The following MINK1 variants were observed in gnomAD, a reference collection of about 807,000 sequenced individuals.
MINK1 encodes misshapen like kinase 1, also known as misshapen-like kinase 1.
A neutral mutation model predicts 178.4 loss-of-function variants in MINK1; 46 were observed. That is an observed-to-expected ratio of 0.26 (90% CI 0.20 to 0.33). The LOEUF is 0.33. Ranked by LOEUF, MINK1 falls within the 10% of genes least tolerant of loss-of-function variation. The pLI is 1.00. For synonymous variants in MINK1, 797 were observed against 709.7 expected (o/e 1.12, Z -1.96); for missense variants, 1,366 against 1,814.9 (o/e 0.75, Z 4.49).
intron 1 of MINK1, among the ~76,000 whole-genome samples, chr17:4,837,112 TG>T (rs1265933027): frequency 6.6e-6 from 1 of 152,096 alleles, no homozygotes; most frequent in Non-Finnish European, 1.5e-5. Flanking sequence ...ACTTGAACCT[TG>T]GAGGTGGAGG....
intron 14 of MINK1, 96 bp from the exon 15 acceptor site, chr17:4,890,855 A>G (rs1968715568): frequency 6.6e-7 from 1 of 1,526,592 alleles, no homozygotes; most frequent in Non-Finnish European, 8.9e-7. Context: ...CACACAGCAC[A>G]GAGCATAGGG....
Position 4,895,288 on chromosome 17 carries a change from G to A in MINK1, c.3085+46G>A, listed in dbSNP as rs1252472042. ...CTGAGGAGGCTCTGGCGTGGCTCTT[G>A]TGCTCCTGGTTAGGTGAGGGCCTGG... On this transcript the variant is annotated intron_variant, in intron 25 of 31. Coordinates refer to ENST00000355280, the MANE Select transcript of MINK1 (RefSeq NM_153827.5). This position sits in a 1 kb window ranked among gnomAD's most constrained non-coding sequence, Gnocchi z 4.3. 3 of 1,610,648 alleles carry A rather than the reference G, an allele frequency of 1.9e-6. No homozygotes were observed. The highest frequency in any genetic ancestry group is 1.7e-4 in the Middle Eastern group (1 of 6,034).
intron 1 of MINK1, among the ~76,000 whole-genome samples, chr17:4,843,439 CT>C (rs1361998135): frequency 6.6e-6 from 1 of 150,960 alleles, no homozygotes; most frequent in Admixed American, 6.7e-5. Flanking sequence ...GATTGCGTCA[CT>C]GCACTCCAGC....
chr17:4,894,715 C>T lies in MINK1; in HGVS notation c.2917+82C>T. On this transcript the variant is annotated intron_variant, in intron 24 of 31. Coordinates refer to ENST00000355280, the MANE Select transcript of MINK1 (RefSeq NM_153827.5). This position sits in a 1 kb window ranked among gnomAD's most constrained non-coding sequence, Gnocchi z 4.1. ...GGAGCACAGTGGTCTTGAGACGCAG[C>T]CTCACAAAGCATAGCCACAGGACCT... 1 of 1,082,898 alleles carries T rather than the reference C, an allele frequency of 9.2e-7. No individual in the cohort carries two copies. The highest frequency in any genetic ancestry group is 1.4e-5 in the South Asian group (1 of 73,590). 67.1% of individuals were successfully genotyped at this position (1,082,898 alleles called of 1,614,324 possible). A position where few individuals can be genotyped will look rare whatever the true frequency, so the allele number is the denominator to read the frequency against.
chr17:4,886,767 A>C lies in MINK1; in HGVS notation c.949+141A>C. The C allele has an allele frequency of 1.0e-6, 1 of 981,266 alleles. No individual in the cohort carries two copies. Among genetic ancestry groups the C allele is most frequent in the African/African-American group, 1.6e-5 (1 of 60,834 alleles). 60.8% of individuals were successfully genotyped at this position (981,266 alleles called of 1,614,324 possible). ...CCCTGTCCAAGGAGATCGTTCTCAA[A>C]CTTGCAACCCCCAAGGGGTTTTCCC... On this transcript the variant is annotated intron_variant, in intron 10 of 31. Transcript: ENST00000355280. The surrounding 1 kb of genome is among the most constrained non-coding windows in gnomAD (Gnocchi z 6.1).
At chr17:4,880,954 A>C (rs142531662) in intron 2 of MINK1, 30 bp from the exon 3 acceptor site, 123,405 of 1,461,752 alleles carry the variant, frequency 0.084, 5,540 homozygotes, top group Non-Finnish European at 0.092. Flanking sequence ...CCACCCTCTG[A>C]GCATAGACTC....
rs779853619 is a variant in MINK1, at chr17:4,895,711, A to G, written c.3243A>G (p.Lys1081=). The change falls in exon 27 of 32, where the codon AAA becomes AAG. Residue 1081 remains lysine, a synonymous_variant. Transcript: ENST00000355280. This position sits in a 1 kb window ranked among gnomAD's most constrained non-coding sequence, Gnocchi z 4.3. ...LLITISGKRN[K]LRVYYLSWLR... The stretch of plus-strand genomic sequence containing the variant: ...TCCGTCCCTCAGGGAAAAGGAACAA[A>G]CTGCGGGTGTATTACCTGTCCTGGC... 1 of 1,613,460 alleles carries G rather than the reference A, an allele frequency of 6.2e-7. No homozygotes were observed. The highest frequency in any genetic ancestry group is 8.5e-7 in the Non-Finnish European group (1 of 1,179,702).
Position 4,896,091 on chromosome 17 carries a change from C to T in MINK1, c.3453C>T (p.Phe1151=). Residue 1151 remains phenylalanine, a synonymous_variant, in exon 28 of 32, where the codon TTC becomes TTT. Transcript: ENST00000355280. The surrounding 1 kb of genome is among the most constrained non-coding windows in gnomAD (Gnocchi z 4.6). ...YAWAPKPYHK[F]MAFKSFADLP... is the part of the protein sequence containing the mutation. ...GGGCCCCCAAACCCTACCACAAATT[C>T]ATGGCCTTCAAGGTAATCCCAGCCT... The T allele has an allele frequency of 6.2e-7, 1 of 1,607,500 alleles. No homozygotes were observed. The highest frequency in any genetic ancestry group is 8.5e-7 in the Non-Finnish European group (1 of 1,177,046).
At chr17:4,848,448 C>T (rs1425719717) in intron 1 of MINK1, among the ~76,000 whole-genome samples, 3 of 152,214 alleles carry the variant, frequency 2.0e-5, no homozygotes, top group African/African-American at 4.8e-5. Flanking sequence ...GCAAACTCCG[C>T]CTGCCAGGTT....
chr17:4,896,968 C>A lies in MINK1; in HGVS notation c.3915+155C>A, dbSNP rs770023879. Reference sequence around the variant, plus strand: ...GCAGTCAGCCACTACCACTGCCCTGCGCTCCCTTCAGATTCCGAGGACTTC... The same window carrying A: ...GCAGTCAGCCACTACCACTGCCCTGAGCTCCCTTCAGATTCCGAGGACTTC... On this transcript the variant is annotated intron_variant, in intron 31 of 31. Transcript: ENST00000355280. The surrounding 1 kb of genome is among the most constrained non-coding windows in gnomAD (Gnocchi z 4.6). The A allele has an allele frequency of 9.0e-7, 1 of 1,107,794 alleles. No individual in the cohort carries two copies. Among genetic ancestry groups the A allele is most frequent in the Non-Finnish European group, 1.3e-6 (1 of 790,874 alleles). 68.6% of individuals were successfully genotyped at this position (1,107,794 alleles called of 1,614,324 possible). A position where few individuals can be genotyped will look rare whatever the true frequency, so the allele number is the denominator to read the frequency against.
intron 1 of MINK1, among the ~76,000 whole-genome samples, chr17:4,843,408 G>A (rs1910542511): frequency 1.3e-5 from 2 of 151,942 alleles, no homozygotes; most frequent in Non-Finnish European, 2.9e-5. Context: ...AACTCAGGAG[G>A]CGGAGGTTGC....
Position 4,896,393 on chromosome 17 carries a change from A to G in MINK1, c.3616-36A>G, listed in dbSNP as rs200848233. ...AGTGGGATGGCCCAGTCTGGGCACC[A>G]GACACGGAGACTCTAGTCCCCCTCC... On this transcript the variant is annotated intron_variant, in intron 29 of 31. Transcript: ENST00000355280. This position sits in a 1 kb window ranked among gnomAD's most constrained non-coding sequence, Gnocchi z 4.6. 3.8e-5 allele frequency: 61 copies of G among 1,609,854 alleles called. No individual in the cohort carries two copies. The African/African-American group carries it at 4.7e-4, about 12-fold the overall frequency.
In MINK1 at chr17:4,839,571, C is replaced by T. The variant is rs184219380; in HGVS notation, c.57+5931C>T. On this transcript the variant is annotated intron_variant, in intron 1 of 31. Transcript: ENST00000355280. ...AGACTTGGATCCTGTCCACAGCTCA[C>T]GGCCATTTGCTCTCTCCAGTTCTTT... Among the ~76,000 whole-genome samples, 21 of 152,304 alleles carry T rather than the reference C, an allele frequency of 1.4e-4. No individual in the cohort carries two copies. In the East Asian group the frequency reaches 2.7e-3, roughly 20 times the overall value.
intron 1 of MINK1, among the ~76,000 whole-genome samples, chr17:4,877,860 G>T (rs538890800): frequency 1.3e-5 from 2 of 148,928 alleles, no homozygotes; most frequent in Non-Finnish European, 3.0e-5. Flanking sequence ...GCCCAGGCTG[G>T]AGTGCAGTGG....
chr17:4,875,245 C>T (rs568854371), intron 1 of MINK1: 1 of 512,400 alleles, frequency 2.0e-6, no homozygotes, highest in Non-Finnish European at 3.9e-6. Flanking sequence ...AGAAAGACCT[C>T]TTGTTAGCCC....
intron 4 of MINK1, among the ~76,000 whole-genome samples, chr17:4,882,500 G>A (rs1462750731): frequency 2.0e-5 from 3 of 152,170 alleles, no homozygotes; most frequent in East Asian, 3.8e-4. Flanking sequence ...TGCAGCTGTC[G>A]AGGTAGACCC....
chr17:4,890,965 A>C lies in MINK1; in HGVS notation c.1581A>C (p.Thr527=). 6.4e-7 allele frequency: 1 copy of C among 1,556,722 alleles called. No individual in the cohort carries two copies. Among genetic ancestry groups the C allele is most frequent in the Non-Finnish European group, 8.7e-7 (1 of 1,150,032 alleles). ...TCACATCACAGGTAGAAGAGAGAAC[A>C]AGGATGAACAAGCAGCAGAACTCTC... ...PAWAREVEER[T]RMNKQQNSPL... The change falls in exon 15 of 32, where the codon ACA becomes ACC. Residue 527 remains threonine (T), a synonymous_variant. Transcript: ENST00000355280.
Position 4,887,618 on chromosome 17 carries a change from G to T in MINK1, c.1058G>T (p.Arg353Leu), listed in dbSNP as rs747845720. 1 of 1,565,242 alleles carries T rather than the reference G, an allele frequency of 6.4e-7. No individual in the cohort carries two copies. Among genetic ancestry groups the T allele is most frequent in the Admixed American group, 2.0e-5 (1 of 50,964 alleles). ...MNVPGESTLR[R>L]EFLRLQQENK... ...GTGCCTGGAGAGTCGACTCTACGCC[G>T]GGAGTTTCTCCGGCTCCAGCAGGAA... is the stretch of plus-strand genomic sequence containing the variant. The change falls in exon 12 of 32, where the codon CGG (arginine) becomes CTG (leucine). Residue 353 changes from arginine to leucine, a missense_variant. By Grantham distance (102) the Arg-to-Leu change is moderately radical. Transcript: ENST00000355280. The surrounding 1 kb of genome is among the most constrained non-coding windows in gnomAD (Gnocchi z 7.6).
intron 1 of MINK1, chr17:4,847,179 G>A (rs1243903703): frequency 6.2e-6 from 3 of 484,918 alleles, no homozygotes; most frequent in Middle Eastern, 3.2e-4. Context: ...GTGATCCATG[G>A]AGTGAACATG....
Sources: allele counts gnomAD v4.1 joint callset (sites outside exome capture counted in the v4.1 genomes callset), GRCh38; gene constraint gnomAD v4.1.1; non-coding constraint Gnocchi (gnomAD v3.1); transcripts MANE v1.5; gene names NCBI Gene and HGNC (gene_info 2026-07-23, HGNC 2026-07-21).